ANO2: variants seen among roughly 807,000 people sequenced by gnomAD.
The protein encoded by ANO2 is anoctamin-2.
A neutral mutation model predicts 124.2 loss-of-function variants in ANO2; 101 were observed. That is an observed-to-expected ratio of 0.81 (90% CI 0.69 to 0.96). The LOEUF is 0.96. Among genes scored for constraint, ANO2 ranks in the 40% least tolerant of loss-of-function variants. The pLI is 0.00. For synonymous variants in ANO2, 486 were observed against 482.5 expected (o/e 1.01, Z -0.09); for missense variants, 1,293 against 1,274.5 (o/e 1.01, Z -0.22).
At chr12:5,778,660 G>A (rs189835716) in intron 10 of ANO2, among the ~76,000 whole-genome samples, 83 of 152,256 alleles carry the variant, frequency 5.5e-4, no homozygotes, top group African/African-American at 1.9e-3. Context: ...CAGACTCTTA[G>A]AAGCAATGAA....
In ANO2 at chr12:5,812,596, A is replaced by AG. The variant is rs1281999072; in HGVS notation, c.893-5229dup. On this transcript the variant is annotated intron_variant, in intron 7 of 24. Transcript: ENST00000682330. ...AAAAAAGAAAGAGAAAGAAAGAGGA[A>AG]GAAGAAAAAGGAAGGAAGGTGGAAG... is the stretch of plus-strand genomic sequence containing the variant. 1.3e-3 allele frequency among the ~76,000 whole-genome samples: 130 copies of AG among 103,376 alleles called. 8 individuals are homozygous for AG. The highest frequency in any genetic ancestry group is 4.4e-3 in the African/African-American group (122 of 27,744). The allele number at this position is 103,376 out of a possible 152,430, so 67.8% of individuals were successfully genotyped here.
At chr12:5,814,650 G>C (rs1233506489) in intron 7 of ANO2, among the ~76,000 whole-genome samples, 1 of 152,198 alleles carries the variant, frequency 6.6e-6, no homozygotes, top group Admixed American at 6.5e-5. Flanking sequence ...GCAGGAATTT[G>C]TGTCTGTTGG....
At chr12:5,573,399 C>T (rs886558412) in intron 23 of ANO2, among the ~76,000 whole-genome samples, 4 of 152,194 alleles carry the variant, frequency 2.6e-5, no homozygotes, top group South Asian at 2.1e-4. Flanking sequence ...CTTTCCCACA[C>T]GACAAGTCAC....
intron 14 of ANO2, among the ~76,000 whole-genome samples, chr12:5,684,657 C>T (rs942992357): frequency 1.5e-4 from 23 of 152,206 alleles, no homozygotes; most frequent in Non-Finnish European, 3.2e-4. Context: ...ATATTCCACT[C>T]TAAACCTCTG....
rs148545953 is a variant in ANO2 at position 5,654,770 on chromosome 12, T to G, written c.1546-6969A>C. Among the ~76,000 whole-genome samples the G allele has an allele frequency of 1.7e-3, 252 of 152,306 alleles. 1 individual carries two copies. Among genetic ancestry groups the G allele is most frequent in the African/African-American group, 5.7e-3 (238 of 41,564 alleles). Reference sequence around the variant, plus strand: ...TCTTCACTTCCTATTCTTCCACTACTCTTAGTCTCTTATTTACAGTCTGGC... The same window carrying G: ...TCTTCACTTCCTATTCTTCCACTACGCTTAGTCTCTTATTTACAGTCTGGC... On this transcript the variant is annotated intron_variant, in intron 14 of 24. Coordinates refer to ENST00000682330, the MANE Select transcript of ANO2 (RefSeq NM_001364791.2).
intron 4 of ANO2, among the ~76,000 whole-genome samples, chr12:5,847,552 G>A (rs1165690597): frequency 2.6e-5 from 4 of 151,410 alleles, no homozygotes; most frequent in Non-Finnish European, 5.9e-5. Flanking sequence ...AAGAGGTGCT[G>A]CAGTCCTGGC....
At position 5,854,663 on chromosome 12, in the gene ANO2, C is replaced by T. The variant is rs73255171; in HGVS notation, c.535-522G>A. Among the ~76,000 whole-genome samples the T allele has an allele frequency of 7.4e-3, 1,123 of 152,288 alleles. 15 individuals carry two copies. Among genetic ancestry groups the T allele is most frequent in the African/African-American group, 0.023 (948 of 41,544 alleles). ...GATCTACTAGAGCCTAGAAGTAATA[C>T]TATAAATCATAATGACAATGGTACA... On this transcript the variant is annotated intron_variant, in intron 3 of 24. Transcript: ENST00000682330.
At chr12:5,847,650 C>T (rs1441503376) in intron 4 of ANO2, among the ~76,000 whole-genome samples, 1 of 152,144 alleles carries the variant, frequency 6.6e-6, no homozygotes, top group East Asian at 1.9e-4. Context: ...GCTACCAAAT[C>T]AGAGTCTCTA....
intron 3 of ANO2, among the ~76,000 whole-genome samples, chr12:5,857,472 C>G (rs1301286922): frequency 1.3e-5 from 2 of 152,120 alleles, no homozygotes; most frequent in African/African-American, 4.8e-5. Context: ...ATGGCTATAC[C>G]AATTTACATT....
intron 19 of ANO2, among the ~76,000 whole-genome samples, chr12:5,602,365 C>G (rs1381727825): frequency 6.6e-6 from 1 of 152,040 alleles, no homozygotes; most frequent in Non-Finnish European, 1.5e-5. Flanking sequence ...ATCATCCCAC[C>G]TCAGCCTCCC....
At chr12:5,736,879 G>A (rs1950889582) in intron 13 of ANO2, among the ~76,000 whole-genome samples, 1 of 152,084 alleles carries the variant, frequency 6.6e-6, no homozygotes, top group South Asian at 2.1e-4. Context: ...TCCCTTTGCT[G>A]CCCATTAAAA....
intron 7 of ANO2, among the ~76,000 whole-genome samples, chr12:5,809,612 G>T (rs1489879774): frequency 6.6e-6 from 1 of 152,198 alleles, no homozygotes; most frequent in African/African-American, 2.4e-5. Flanking sequence ...CTGAACTCCT[G>T]GTCCCAGCTG....
chr12:5,586,848 G>A (rs1943135991), intron 20 of ANO2, among the ~76,000 whole-genome samples: 1 of 152,136 alleles, frequency 6.6e-6, no homozygotes, highest in African/African-American at 2.4e-5. Context: ...TAATATATGG[G>A]GTAGTTTTCC....
At chr12:5,723,457 CCA>C (rs1738842992) in intron 14 of ANO2, among the ~76,000 whole-genome samples, 1 of 152,102 alleles carries the variant, frequency 6.6e-6, no homozygotes, top group African/African-American at 2.4e-5. Flanking sequence ...CCTAGACTGC[CCA>C]CATCTCTACC....
At chr12:5,772,148 G>T (rs576109093) in intron 10 of ANO2, among the ~76,000 whole-genome samples, 1 of 151,924 alleles carries the variant, frequency 6.6e-6, no homozygotes, top group South Asian at 2.1e-4. Context: ...TCATATTAAT[G>T]CAGAGCAAAA....
At chr12:5,638,233 TTTCC>T (rs1184222939) in intron 15 of ANO2, among the ~76,000 whole-genome samples, 2 of 124,082 alleles carry the variant, frequency 1.6e-5, no homozygotes, top group Admixed American at 7.5e-5. Flanking sequence ...CACTGTTTCT[TTTCC>T]TTTTTTTTTT....
chr12:5,804,738 A>G (rs1953139164), intron 9 of ANO2, among the ~76,000 whole-genome samples: 1 of 152,214 alleles, frequency 6.6e-6, no homozygotes, highest in South Asian at 2.1e-4. Context: ...TTATATCTAC[A>G]ACATATATAT....
At chr12:5,831,296 G>T (rs751604888) in intron 5 of ANO2, among the ~76,000 whole-genome samples, 4 of 152,266 alleles carry the variant, frequency 2.6e-5, no homozygotes, top group Admixed American at 6.5e-5. Flanking sequence ...GCGTGCTTCT[G>T]GTTGGGAAGA....
intron 17 of ANO2, among the ~76,000 whole-genome samples, chr12:5,614,348 G>A (rs887278309): frequency 5.9e-5 from 9 of 152,168 alleles, no homozygotes; most frequent in African/African-American, 1.9e-4. Context: ...CAGGATGGGG[G>A]CAGGCCATGC....
Sources: allele counts gnomAD v4.1 joint callset (sites outside exome capture counted in the v4.1 genomes callset), GRCh38; gene constraint gnomAD v4.1.1; transcripts MANE v1.5; gene names NCBI Gene and HGNC (gene_info 2026-07-23, HGNC 2026-07-21).